The following SYNJ2 variants were observed in gnomAD, a reference collection of about 807,000 sequenced individuals.
SYNJ2 encodes the protein synaptojanin 2, also known as polyphosphatidylinositol phosphatase SYNJ2.
SYNJ2 carries 116 observed loss-of-function variants against 141.3 expected under a neutral mutation model. That is an observed-to-expected ratio of 0.82 (90% confidence interval 0.71 to 0.96). The LOEUF is 0.96. Among genes scored for constraint, SYNJ2 ranks in the 40% least tolerant of loss-of-function variants. The pLI is 0.00. For missense variants in SYNJ2, 1,873 were observed against 1,934.8 expected (o/e 0.97, Z 0.60); for synonymous variants, 745 against 777.7 (o/e 0.96, Z 0.70).
At chr6:158,039,947 C>T (rs1037190067) in intron 4 of SYNJ2, among the ~76,000 whole-genome samples, 1 of 152,112 alleles carries the variant, frequency 6.6e-6, no homozygotes, top group Non-Finnish European at 1.5e-5. Context: ...TGCACACAGG[C>T]GGCTGTGCGG....
At chr6:158,092,778 G>T in intron 25 of SYNJ2, 148 bp from the exon 26 acceptor site, 1 of 771,364 alleles carries the variant, frequency 1.3e-6, no homozygotes, top group Non-Finnish European at 1.9e-6. Flanking sequence ...AAAGAAAAAA[G>T]AAAAAAAGCT....
chr6:158,010,126 CCCAGGCTGG>C (rs1305587907), intron 1 of SYNJ2, among the ~76,000 whole-genome samples: 1 of 152,140 alleles, frequency 6.6e-6, no homozygotes, highest in Non-Finnish European at 1.5e-5. Flanking sequence ...CCCTGTGTTG[CCCAGGCTGG>C]TCTTGAACTC....
rs144209063 is a variant in SYNJ2, at chr6:157,995,134, G to C, written c.127+13046G>C. Among the ~76,000 whole-genome samples, 3 of 152,332 alleles carry C rather than the reference G, an allele frequency of 2.0e-5. No homozygotes were observed. In the East Asian group the frequency reaches 5.8e-4, roughly 29 times the overall value. ...ACCCTTAAAACATAAAGCAAGTTAT[G>C]TTCAGACTATATACAGGCAATGAGA... On this transcript the variant is annotated intron_variant, in intron 1 of 26. Transcript: ENST00000355585.
intron 5 of SYNJ2, among the ~76,000 whole-genome samples, chr6:158,052,945 T>A (rs1780650010): frequency 6.6e-6 from 1 of 152,250 alleles, no homozygotes; most frequent in Admixed American, 6.5e-5. Flanking sequence ...TTTTCCCGCC[T>A]TGAGTCCAGC....
intron 1 of SYNJ2, among the ~76,000 whole-genome samples, chr6:158,015,416 C>T (rs1461019915): frequency 6.6e-6 from 1 of 152,198 alleles, no homozygotes; most frequent in East Asian, 1.9e-4. Context: ...GGGCCCAAAG[C>T]TCCTTAAGGG....
rs1218165044 is a variant in SYNJ2 at position 158,095,871 on chromosome 6, C to T, written c.3998C>T (p.Pro1333Leu). ...LEAPPLVPKV[P>L]PRRKKSAPAA... The stretch of plus-strand genomic sequence containing the variant: ...GCGCCGCCTCTTGTGCCCAAGGTAC[C>T]CCCGAGGAGGAAGAAGTCAGCCCCC... Residue 1333 changes from proline (P) to leucine (L), a missense_variant, in exon 27 of 27, where the codon CCC (proline) becomes CTC (leucine). Transcript: ENST00000355585. 5.0e-6 allele frequency: 8 copies of T among 1,614,112 alleles called. No individual in the cohort carries two copies. In the South Asian group the frequency reaches 7.7e-5, roughly 16 times the overall value.
At chr6:158,065,868 A>T (rs2128368044) in intron 11 of SYNJ2, among the ~76,000 whole-genome samples, 1 of 152,348 alleles carries the variant, frequency 6.6e-6, no homozygotes, top group East Asian at 1.9e-4. Flanking sequence ...TCACAAGTTT[A>T]AAAGGTGGAA....
chr6:158,036,334 T>C (rs1779636164), intron 4 of SYNJ2, among the ~76,000 whole-genome samples: 1 of 152,210 alleles, frequency 6.6e-6, no homozygotes, highest in African/African-American at 2.4e-5. Flanking sequence ...CTCAGAGACC[T>C]ACTCACAATA....
At chr6:158,003,996 A>G (rs1777957307) in intron 1 of SYNJ2, among the ~76,000 whole-genome samples, 2 of 152,176 alleles carry the variant, frequency 1.3e-5, no homozygotes, top group Non-Finnish European at 2.9e-5. Flanking sequence ...CACAAGCCCC[A>G]TCATTATTTA....
intron 7 of SYNJ2, 57 bp from the exon 8 acceptor site, chr6:158,061,935 C>T: frequency 6.5e-7 from 1 of 1,550,130 alleles, no homozygotes. Context: ...AAGGAGCTTG[C>T]CCTCCTCGTC....
intron 16 of SYNJ2, among the ~76,000 whole-genome samples, 194 bp downstream of exon 16, chr6:158,074,932 T>C (rs1378984521): frequency 0.085 from 1,364 of 16,016 alleles, 28 homozygotes; most frequent in African/African-American, 0.24. Flanking sequence ...CCTTTTTTTT[T>C]TTTTTTTTTT....
intron 2 of SYNJ2, 80 bp downstream of exon 2, chr6:158,017,370 C>T (rs1291554296): frequency 3.5e-6 from 5 of 1,430,660 alleles, no homozygotes; most frequent in Non-Finnish European, 4.6e-6. Flanking sequence ...GGCCTCAGTG[C>T]AGGCATTCTG....
intron 11 of SYNJ2, among the ~76,000 whole-genome samples, chr6:158,066,177 T>A (rs1171279444): frequency 6.6e-6 from 1 of 152,212 alleles, no homozygotes; most frequent in African/African-American, 2.4e-5. Context: ...TGATGTCCCA[T>A]GGCTTCTGGC....
intron 9 of SYNJ2, 65 bp downstream of exon 9, chr6:158,063,937 T>C: frequency 6.5e-7 from 1 of 1,550,296 alleles, no homozygotes; most frequent in Non-Finnish European, 8.9e-7. Flanking sequence ...CTGGACAGGC[T>C]GGGCTGAGCA....
chr6:158,021,079 G>A (rs1197738575), intron 2 of SYNJ2, among the ~76,000 whole-genome samples: 1 of 152,134 alleles, frequency 6.6e-6, no homozygotes, highest in Non-Finnish European at 1.5e-5. Flanking sequence ...TGAGAATGTA[G>A]CAGAAAAAAG....
chr6:158,047,880 C>A (rs373429799), intron 5 of SYNJ2, among the ~76,000 whole-genome samples: 3 of 148,368 alleles, frequency 2.0e-5, no homozygotes, highest in African/African-American at 7.5e-5. Context: ...AATGATAACA[C>A]CCAGGAGATA....
intron 15 of SYNJ2, among the ~76,000 whole-genome samples, chr6:158,074,161 C>T (rs776348505): frequency 5.3e-5 from 8 of 152,108 alleles, no homozygotes; most frequent in Non-Finnish European, 8.8e-5. Flanking sequence ...CAGGAAGTTA[C>T]ATGAAGGTGC....
intron 10 of SYNJ2, 23 bp downstream of exon 10, chr6:158,064,773 G>A (rs1781454636): frequency 3.7e-6 from 6 of 1,612,368 alleles, no homozygotes; most frequent in Non-Finnish European, 5.1e-6. Flanking sequence ...CGAGGGGGCA[G>A]GGTGGGGGCC....
At chr6:157,991,567 T>G (rs1267836631) in intron 1 of SYNJ2, among the ~76,000 whole-genome samples, 1 of 152,168 alleles carries the variant, frequency 6.6e-6, no homozygotes, top group African/African-American at 2.4e-5. Context: ...TGAAAACAAA[T>G]GAATGACAAC....
Sources: gnomAD v4.1 joint callset for allele counts (sites outside exome capture counted in the v4.1 genomes callset) on GRCh38, gnomAD v4.1.1 for gene constraint, MANE v1.5 for transcripts, NCBI Gene and HGNC (gene_info 2026-07-23, HGNC 2026-07-21) for gene names.